Variants in PRKCQ observed in about 807,000 individuals in gnomAD.
PRKCQ encodes the protein protein kinase C theta, also known as protein kinase C theta type.
A neutral mutation model predicts 91.2 loss-of-function variants in PRKCQ; 41 were observed. That is an observed-to-expected ratio of 0.45 (90% CI 0.35 to 0.58). The LOEUF (loss-of-function observed/expected upper bound fraction) is 0.58, where lower values mean the gene tolerates loss of function less well. Ranked by LOEUF, PRKCQ falls within the 20% of genes least tolerant of loss-of-function variation. The pLI, the probability that PRKCQ is intolerant of heterozygous loss-of-function variation, is 0.00. For synonymous variants in PRKCQ, 307 were observed against 316.9 expected, an observed-to-expected ratio of 0.97 and a Z score of 0.33; for missense variants, 673 against 896.5, an observed-to-expected ratio of 0.75 and a Z score of 3.18.
Position 6,531,720 on chromosome 10 carries a change from T to C in PRKCQ, c.-9-16576A>G, listed in dbSNP as rs147945521. 1.1e-3 allele frequency among the ~76,000 whole-genome samples: 162 copies of C among 152,310 alleles called. 1 individual carries two copies. Among genetic ancestry groups the C allele is most frequent in the African/African-American group, 3.8e-3 (158 of 41,550 alleles). On this transcript the variant is annotated intron_variant, in intron 1 of 17. Transcript: ENST00000263125. Reference sequence around the variant, plus strand: ...TGGCACAGGAATTGACCATGTAAGATGTTCATAATAAGCATCTTTGGAATA... The same window carrying C: ...TGGCACAGGAATTGACCATGTAAGACGTTCATAATAAGCATCTTTGGAATA...
At chr10:6,578,622 T>C (rs935633191) in intron 1 of PRKCQ, among the ~76,000 whole-genome samples, 5 of 152,348 alleles carry the variant, frequency 3.3e-5, no homozygotes, top group Admixed American at 2.6e-4. Context: ...TCTTTAAATA[T>C]ATGTATGTTC....
the PRKCQ span, among the ~76,000 whole-genome samples, chr10:6,410,785 C>G: frequency 6.6e-6 from 1 of 152,112 alleles, no homozygotes; most frequent in Non-Finnish European, 1.5e-5. Flanking sequence ...GAGTTCAAGA[C>G]CAGCCTGGCC....
At chr10:6,573,646 T>G (rs964404397) in intron 1 of PRKCQ, among the ~76,000 whole-genome samples, 2 of 152,260 alleles carry the variant, frequency 1.3e-5, no homozygotes, top group African/African-American at 4.8e-5. Context: ...TAGGAATTCT[T>G]GCCCACAGGG....
At chr10:6,488,212 A>T (rs1200786512) in intron 8 of PRKCQ, among the ~76,000 whole-genome samples, 1 of 152,214 alleles carries the variant, frequency 6.6e-6, no homozygotes, top group African/African-American at 2.4e-5. Flanking sequence ...GGCATCGAGC[A>T]GGCGCTCAAC....
rs975970607 is a variant in PRKCQ at position 6,576,018 on chromosome 10, G to A, written c.-10+4193C>T. ...TCATGCCACTGCACTCCAGCCTGGC[G>A]ACACAGCGAGACTCCATCTCAAAAA... is the stretch of plus-strand genomic sequence containing the variant. On this transcript the variant is annotated intron_variant, in intron 1 of 17. Coordinates refer to ENST00000263125, the MANE Select transcript of PRKCQ (RefSeq NM_006257.5). The surrounding 1 kb of genome is among the most constrained non-coding windows in gnomAD (Gnocchi z 4.2). 2.0e-5 allele frequency among the ~76,000 whole-genome samples: 3 copies of A among 152,068 alleles called. No individual in the cohort carries two copies. The highest frequency in any genetic ancestry group is 1.9e-4 in the East Asian group (1 of 5,184).
chr10:6,445,129 A>ATC (rs1432977185), intron 15 of PRKCQ, among the ~76,000 whole-genome samples: 8 of 76,862 alleles, frequency 1.0e-4, no homozygotes, highest in African/African-American at 1.4e-4. Context: ...GTCAAAAAAA[A>ATC]AAAAAAAAAA....
At chr10:6,445,299 GAGGCCC>G (rs1834221425) in intron 15 of PRKCQ, among the ~76,000 whole-genome samples, 1 of 152,072 alleles carries the variant, frequency 6.6e-6, no homozygotes, top group Non-Finnish European at 1.5e-5. Context: ...AGTGCTAAGT[GAGGCCC>G]AGGGGTGCTG....
intron 1 of PRKCQ, among the ~76,000 whole-genome samples, chr10:6,527,363 G>A (rs558904162): frequency 1.3e-5 from 2 of 152,192 alleles, no homozygotes; most frequent in African/African-American, 4.8e-5. Context: ...TATAAAAACT[G>A]TAATGATGAT....
At chr10:6,415,405 C>CAT in the PRKCQ span, among the ~76,000 whole-genome samples, 600 of 104,500 alleles carry the variant, frequency 5.7e-3, 9 homozygotes, top group African/African-American at 8.4e-3. Context: ...CAAGAAAATA[C>CAT]ATATATATAT....
At chr10:6,456,096 A>C (rs1468761705) in intron 15 of PRKCQ, among the ~76,000 whole-genome samples, 1 of 152,212 alleles carries the variant, frequency 6.6e-6, no homozygotes, top group Non-Finnish European at 1.5e-5. Flanking sequence ...CCTTCTGTGC[A>C]AATGTCACTT....
intron 1 of PRKCQ, among the ~76,000 whole-genome samples, chr10:6,546,402 C>T (rs1040845246): frequency 6.6e-6 from 1 of 152,062 alleles, no homozygotes; most frequent in Non-Finnish European, 1.5e-5. Flanking sequence ...GAAATTTCAG[C>T]GTGGTGCAAG....
chr10:6,404,877 CCTTTT>C, the PRKCQ span, among the ~76,000 whole-genome samples: 1 of 140,130 alleles, frequency 7.1e-6, no homozygotes, highest in Non-Finnish European at 1.5e-5. Flanking sequence ...TCCTTTCTTT[CCTTTT>C]TTCTTTCTTT....
intron 15 of PRKCQ, among the ~76,000 whole-genome samples, chr10:6,444,090 A>G (rs909653525): frequency 6.6e-6 from 1 of 152,090 alleles, no homozygotes. Flanking sequence ...TTTATTTTTG[A>G]AATGGAGTCT....
At chr10:6,524,765 G>C (rs1839136730) in intron 1 of PRKCQ, among the ~76,000 whole-genome samples, 1 of 152,212 alleles carries the variant, frequency 6.6e-6, no homozygotes. Flanking sequence ...AGGGAGGAGG[G>C]AGGAGGGTAG....
the PRKCQ span, among the ~76,000 whole-genome samples, chr10:6,413,974 C>T: frequency 1.3e-5 from 2 of 152,166 alleles, no homozygotes; most frequent in East Asian, 1.9e-4. Flanking sequence ...ACAGCCCTGA[C>T]GACATTGGAC....
intron 14 of PRKCQ, among the ~76,000 whole-genome samples, chr10:6,459,971 T>C (rs1356301607): frequency 2.6e-5 from 4 of 152,240 alleles, no homozygotes; most frequent in Non-Finnish European, 5.9e-5. Context: ...GTTGCCAAAT[T>C]AAAAGTTTAG....
At chr10:6,522,067 C>T (rs1282010196) in intron 1 of PRKCQ, among the ~76,000 whole-genome samples, 8 of 152,212 alleles carry the variant, frequency 5.3e-5, no homozygotes, top group South Asian at 2.1e-4. Flanking sequence ...CTCAACCTCC[C>T]GAGTAGCGGG....
At chr10:6,577,284 G>A (rs1351206657) in intron 1 of PRKCQ, among the ~76,000 whole-genome samples, 1 of 152,132 alleles carries the variant, frequency 6.6e-6, no homozygotes, top group Non-Finnish European at 1.5e-5. Flanking sequence ...TGCTTGGCAT[G>A]TTAAAATAAT....
At chr10:6,474,096 A>C (rs952284997) in intron 12 of PRKCQ, among the ~76,000 whole-genome samples, 2 of 152,360 alleles carry the variant, frequency 1.3e-5, no homozygotes, top group African/African-American at 2.4e-5. Flanking sequence ...TGTGTGTTCT[A>C]TGAATAGAAA....
Sources: allele counts gnomAD v4.1 joint callset (sites outside exome capture counted in the v4.1 genomes callset), GRCh38; gene constraint gnomAD v4.1.1; non-coding constraint Gnocchi (gnomAD v3.1); transcripts MANE v1.5; gene names NCBI Gene and HGNC (gene_info 2026-07-23, HGNC 2026-07-21).